Variants in OPCML observed in about 807,000 individuals in gnomAD.
OPCML encodes opioid binding protein/cell adhesion molecule like, also known as opioid-binding protein/cell adhesion molecule.
OPCML carries 13 observed loss-of-function variants against 37.8 expected under a neutral mutation model. The ratio of observed to expected loss-of-function variants is 0.34; its 90% CI spans 0.22 to 0.55. The LOEUF (loss-of-function observed/expected upper bound fraction) is 0.55. OPCML is among the 20% of genes least tolerant of loss of function. The pLI is 0.91. For synonymous variants in OPCML, 176 were observed against 168.8 expected (o/e 1.04, Z -0.33); for missense variants, 341 against 435.6 (o/e 0.78, Z 1.93).
At chr11:133,407,341 G>T (rs561774208) in intron 1 of OPCML, among the ~76,000 whole-genome samples, 9 of 152,282 alleles carry the variant, frequency 5.9e-5, no homozygotes, top group African/African-American at 1.9e-4. Context: ...TGTAATTCAT[G>T]ATATAAAGCA....
intron 4 of OPCML, among the ~76,000 whole-genome samples, chr11:132,492,645 A>G (rs1243057455): frequency 6.6e-6 from 1 of 152,108 alleles, no homozygotes; most frequent in Non-Finnish European, 1.5e-5. Flanking sequence ...CCTGTAGATA[A>G]ATCAAGCAGG....
chr11:133,198,027 C>T (rs1467860180), intron 1 of OPCML, among the ~76,000 whole-genome samples: 5 of 152,124 alleles, frequency 3.3e-5, no homozygotes, highest in Admixed American at 1.3e-4. Flanking sequence ...GTACTCCTTC[C>T]CCTGTGTAAG....
chr11:132,643,334 G>A (rs764340519), intron 3 of OPCML, among the ~76,000 whole-genome samples: 2 of 152,184 alleles, frequency 1.3e-5, no homozygotes, highest in East Asian at 3.9e-4. Flanking sequence ...CAGGCAGAGC[G>A]GTCGGAGAGC....
rs1313159065 is a variant in OPCML, at chr11:133,431,112, GAAT to G, written c.61+101149_61+101151del. On this transcript the variant is annotated intron_variant, in intron 1 of 7. Coordinates refer to ENST00000524381, the MANE Select transcript of OPCML (RefSeq NM_001012393.5). ...ACTAAGTATCTTCATTGCAAAATAA[GAAT>G]AATAACTATCTCATGCAGTTCTTAA... Among the ~76,000 whole-genome samples the G allele has an allele frequency of 5.3e-5, 8 of 152,220 alleles. No homozygotes were observed. The East Asian group carries it at 1.5e-3, about 29-fold the overall frequency.
At chr11:132,421,591 T>C (rs2095959344) in intron 7 of OPCML, among the ~76,000 whole-genome samples, 1 of 152,254 alleles carries the variant, frequency 6.6e-6, no homozygotes, top group Admixed American at 6.5e-5. Context: ...TCCACTAATC[T>C]TAACATGAAT....
chr11:132,849,875 G>C (rs1941722112), intron 2 of OPCML, among the ~76,000 whole-genome samples: 1 of 152,198 alleles, frequency 6.6e-6, no homozygotes, highest in Non-Finnish European at 1.5e-5. Context: ...GCCAAGTGCA[G>C]ACAGATTTTC....
chr11:132,750,208 T>A (rs533608509), intron 2 of OPCML, among the ~76,000 whole-genome samples: 4 of 152,326 alleles, frequency 2.6e-5, no homozygotes, highest in Admixed American at 1.3e-4. Context: ...GGTAAAATAA[T>A]AGATATGTGT....
At chr11:133,252,586 G>C (rs1021927250) in intron 1 of OPCML, among the ~76,000 whole-genome samples, 1 of 151,980 alleles carries the variant, frequency 6.6e-6, no homozygotes, top group Admixed American at 6.6e-5. Flanking sequence ...TCTCCCGAAG[G>C]GTTTTCAATT....
intron 1 of OPCML, among the ~76,000 whole-genome samples, chr11:133,058,402 C>CG (rs1948278664): frequency 6.6e-6 from 1 of 152,090 alleles, no homozygotes; most frequent in Non-Finnish European, 1.5e-5. Flanking sequence ...CAGACTGGGG[C>CG]GGGGGCACGC....
At chr11:132,575,355 T>C (rs2096447934) in intron 3 of OPCML, among the ~76,000 whole-genome samples, 1 of 152,098 alleles carries the variant, frequency 6.6e-6, no homozygotes, top group Non-Finnish European at 1.5e-5. Context: ...CTTTGTGTTT[T>C]ACTATTTATT....
At chr11:133,117,128 A>C (rs1165670878) in intron 1 of OPCML, among the ~76,000 whole-genome samples, 1 of 152,122 alleles carries the variant, frequency 6.6e-6, no homozygotes, top group Non-Finnish European at 1.5e-5. Flanking sequence ...TAATACTCAA[A>C]TTATCCCAGA....
At chr11:132,962,220 G>C (rs552649346) in intron 1 of OPCML, among the ~76,000 whole-genome samples, 1 of 152,322 alleles carries the variant, frequency 6.6e-6, no homozygotes, top group South Asian at 2.1e-4. Flanking sequence ...GGCCAAGGAG[G>C]CTTCTTGATG....
intron 1 of OPCML, among the ~76,000 whole-genome samples, chr11:133,374,245 T>C (rs746979030): frequency 6.6e-5 from 10 of 152,318 alleles, no homozygotes; most frequent in Middle Eastern, 3.4e-3. Context: ...ATGCCTAGGC[T>C]ATGAGTCCAT....
intron 2 of OPCML, among the ~76,000 whole-genome samples, chr11:132,924,116 GA>G (rs1014419840): frequency 1.8e-5 from 2 of 109,490 alleles, no homozygotes; most frequent in African/African-American, 3.7e-5. Flanking sequence ...ATCAACTGAG[GA>G]AAAAAAACTA....
intron 4 of OPCML, among the ~76,000 whole-genome samples, chr11:132,465,460 CTTTTTA>C (rs2096116624): frequency 6.6e-6 from 1 of 151,992 alleles, no homozygotes; most frequent in African/African-American, 2.4e-5. Flanking sequence ...ATCAATCATC[CTTTTTA>C]TTTTTATTAT....
chr11:133,311,501 G>GCT (rs1459806656), intron 1 of OPCML, among the ~76,000 whole-genome samples: 2 of 152,224 alleles, frequency 1.3e-5, no homozygotes, highest in Non-Finnish European at 1.5e-5. Context: ...TCAAACAGAA[G>GCT]CTCAGGTACA....
chr11:133,503,577 TATAGAG>T (rs1435822133), intron 1 of OPCML, among the ~76,000 whole-genome samples: 5 of 152,250 alleles, frequency 3.3e-5, no homozygotes, highest in African/African-American at 7.2e-5. Flanking sequence ...ATTGCTGCTT[TATAGAG>T]ATAAAGTATT....
intron 1 of OPCML, among the ~76,000 whole-genome samples, chr11:133,426,738 C>T (rs1319858436): frequency 3.3e-5 from 5 of 152,196 alleles, no homozygotes; most frequent in Non-Finnish European, 7.3e-5. Flanking sequence ...TCCCTGGTCT[C>T]TCCCTTCACA....
intron 2 of OPCML, among the ~76,000 whole-genome samples, chr11:132,747,293 C>A (rs1197551899): frequency 6.6e-6 from 1 of 152,056 alleles, no homozygotes. Context: ...TTATAGGAAG[C>A]AGTGAAAGTC....
Sources: gnomAD v4.1 joint callset for allele counts (sites outside exome capture counted in the v4.1 genomes callset) on GRCh38, gnomAD v4.1.1 for gene constraint, MANE v1.5 for transcripts, NCBI Gene and HGNC (gene_info 2026-07-23, HGNC 2026-07-21) for gene names.